Variants in KIAA0825 observed in about 807,000 individuals in gnomAD.
KIAA0825 encodes uncharacterized protein KIAA0825.
Under a neutral mutation model 147.6 loss-of-function variants are expected in KIAA0825, and 119 were observed. The ratio of observed to expected loss-of-function variants is 0.81; its 90% CI spans 0.69 to 0.94. KIAA0825 has a LOEUF of 0.94. Among genes scored for constraint, KIAA0825 ranks in the 40% least tolerant of loss-of-function variants. KIAA0825 has a pLI of 0.00. For missense variants in KIAA0825, 1,381 were observed against 1,472.7 expected (o/e 0.94, Z 1.02); for synonymous variants, 470 against 518.1 (o/e 0.91, Z 1.26).
At chr5:94,540,587 G>A (rs1773094583) in intron 2 of KIAA0825, among the ~76,000 whole-genome samples, 1 of 152,158 alleles carries the variant, frequency 6.6e-6, no homozygotes, top group Non-Finnish European at 1.5e-5. Flanking sequence ...ATATGTGAAA[G>A]AGCTTGATTA....
intron 20 of KIAA0825, among the ~76,000 whole-genome samples, chr5:94,364,208 G>A (rs1184209280): frequency 1.3e-5 from 2 of 151,786 alleles, no homozygotes; most frequent in Admixed American, 6.6e-5. Context: ...AAGACAGAAG[G>A]TTTTTGAGAG....
At chr5:94,281,366 A>T (rs1271774432) in intron 20 of KIAA0825, among the ~76,000 whole-genome samples, 1 of 152,112 alleles carries the variant, frequency 6.6e-6, no homozygotes, top group Non-Finnish European at 1.5e-5. Flanking sequence ...TCCCCCTTTC[A>T]ACTACAAGAA....
chr5:94,447,708 T>C (rs1464152304), intron 13 of KIAA0825, among the ~76,000 whole-genome samples: 3 of 152,114 alleles, frequency 2.0e-5, no homozygotes, highest in South Asian at 2.1e-4. Context: ...GCATGTAATA[T>C]GAATATAATG....
intron 11 of KIAA0825, among the ~76,000 whole-genome samples, chr5:94,464,028 T>G (rs1366261755): frequency 2.1e-5 from 3 of 142,158 alleles, no homozygotes; most frequent in Admixed American, 1.5e-4. Context: ...TACAGCATGC[T>G]TTACAAGAAC....
At chr5:94,564,898 C>A (rs111540181) in intron 2 of KIAA0825, among the ~76,000 whole-genome samples, 2,553 of 151,580 alleles carry the variant, frequency 0.017, 63 homozygotes, top group African/African-American at 0.058. Flanking sequence ...TTTCTCTTTT[C>A]TTTTCTTTTT....
At chr5:94,363,292 C>T (rs910026995) in intron 20 of KIAA0825, among the ~76,000 whole-genome samples, 1 of 151,696 alleles carries the variant, frequency 6.6e-6, no homozygotes, top group Non-Finnish European at 1.5e-5. Flanking sequence ...ATAGCTAAAT[C>T]GCATTATCTC....
chr5:94,188,050 C>A (rs1562302360), intron 20 of KIAA0825, among the ~76,000 whole-genome samples: 1 of 152,182 alleles, frequency 6.6e-6, no homozygotes, highest in African/African-American at 2.4e-5. Flanking sequence ...AGAGAGATTT[C>A]TCATCCTCTT....
At chr5:94,601,462 G>C (rs1786432847) in intron 1 of KIAA0825, among the ~76,000 whole-genome samples, 1 of 152,130 alleles carries the variant, frequency 6.6e-6, no homozygotes. Context: ...GTACAAGAAT[G>C]CTGAAAACTC....
At chr5:94,531,962 T>C (rs1428181493) in intron 3 of KIAA0825, among the ~76,000 whole-genome samples, 2 of 152,132 alleles carry the variant, frequency 1.3e-5, no homozygotes. Context: ...TGTATCTACA[T>C]ACATATAAAC....
chr5:94,463,550 T>A (rs771247233), intron 11 of KIAA0825, among the ~76,000 whole-genome samples: 8 of 151,506 alleles, frequency 5.3e-5, no homozygotes, highest in Non-Finnish European at 1.2e-4. Context: ...ATAAACAATT[T>A]CTAATCCAAT....
chr5:94,562,290 T>G (rs887348090), intron 2 of KIAA0825, among the ~76,000 whole-genome samples: 12 of 152,226 alleles, frequency 7.9e-5, no homozygotes, highest in African/African-American at 2.9e-4. Context: ...CTTGAAAATC[T>G]ATTTTAAAAA....
intron 3 of KIAA0825, among the ~76,000 whole-genome samples, chr5:94,535,574 A>G (rs1584810569): frequency 6.6e-6 from 1 of 151,438 alleles, no homozygotes; most frequent in African/African-American, 2.4e-5. Flanking sequence ...TCCTCGGAAG[A>G]CTAGATATGC....
intron 3 of KIAA0825, among the ~76,000 whole-genome samples, chr5:94,529,454 T>C (rs949618282): frequency 2.0e-4 from 28 of 140,068 alleles, no homozygotes; most frequent in Non-Finnish European, 4.1e-4. Context: ...ATATATGTAG[T>C]GTATATATAT....
intron 16 of KIAA0825, among the ~76,000 whole-genome samples, chr5:94,398,199 C>T (rs1487780990): frequency 6.6e-6 from 1 of 152,166 alleles, no homozygotes; most frequent in African/African-American, 2.4e-5. Context: ...ATTCTTCTAA[C>T]TCATCTCCCT....
intron 5 of KIAA0825, among the ~76,000 whole-genome samples, chr5:94,503,643 C>T (rs1765358016): frequency 7.0e-6 from 1 of 141,864 alleles, no homozygotes; most frequent in Non-Finnish European, 1.5e-5. Context: ...ACTAACACTA[C>T]TTCTCCATCA....
chr5:94,558,481 T>C (rs1484345976), intron 2 of KIAA0825, among the ~76,000 whole-genome samples: 1 of 152,244 alleles, frequency 6.6e-6, no homozygotes, highest in African/African-American at 2.4e-5. Context: ...CATTAGGTTA[T>C]GTGAGATACA....
chr5:94,386,462 A>G (rs1749154085), intron 18 of KIAA0825, 58 bp from the exon 19 acceptor site: 2 of 1,396,470 alleles, frequency 1.4e-6, no homozygotes, highest in African/African-American at 1.4e-5. Context: ...CTCTGTAAAA[A>G]TAAACTGATC....
intron 20 of KIAA0825, among the ~76,000 whole-genome samples, chr5:94,160,097 A>T (rs529921451): frequency 6.6e-6 from 1 of 152,122 alleles, no homozygotes; most frequent in African/African-American, 2.4e-5. Flanking sequence ...AGGGAGGTTC[A>T]AATCAGAGGG....
intron 1 of KIAA0825, among the ~76,000 whole-genome samples, chr5:94,596,547 C>T (rs978353301): frequency 6.6e-6 from 1 of 152,070 alleles, no homozygotes. Context: ...CTAAGGATTG[C>T]CTTGGCTATT....
Sources: allele counts gnomAD v4.1 joint callset (sites outside exome capture counted in the v4.1 genomes callset), GRCh38; gene constraint gnomAD v4.1.1; transcripts MANE v1.5; gene names NCBI Gene and HGNC (gene_info 2026-07-23, HGNC 2026-07-21).